ANK3: variants seen among roughly 807,000 people sequenced by gnomAD.
ANK3 encodes the protein ankyrin-3.
In ANK3, 57 loss-of-function variants were observed where a neutral mutation model predicts 370.9. The observed-to-expected ratio is 0.15, with a 90% CI of 0.12 to 0.19. The LOEUF is 0.19. ANK3 is among the 10% of genes least tolerant of loss of function. The pLI is 1.00. For missense variants in ANK3, 4,439 were observed against 5,302.1 expected (o/e 0.84, Z 5.06); for synonymous variants, 1,929 against 1,946.3 (o/e 0.99, Z 0.23).
chr10:60,167,252 G>A (rs932740367), intron 21 of ANK3, among the ~76,000 whole-genome samples: 5 of 152,130 alleles, frequency 3.3e-5, no homozygotes, highest in Non-Finnish European at 5.9e-5. Context: ...GAAAGGTCTC[G>A]GCTGAAGAGA....
chr10:60,733,275 G>T, exon 1 of ANK3: 1 of 1,238,710 alleles, frequency 8.1e-7, no homozygotes, highest in Non-Finnish European at 1.0e-6. Context: ...GGGCAGGAGC[G>T]GAGTCCTCGG....
At chr10:60,664,579 CA>C (rs2078973999) in intron 1 of ANK3, among the ~76,000 whole-genome samples, 1 of 152,084 alleles carries the variant, frequency 6.6e-6, no homozygotes, top group African/African-American at 2.4e-5. Flanking sequence ...TAGCTCAAAA[CA>C]AACCAATGCA....
rs761752696 is a variant in ANK3, at chr10:60,477,516, TACACACACACACACAC to T, written c.96+137654_96+137669del. On this transcript the variant is annotated intron_variant, in intron 2 of 43. Coordinates refer to the ANK3 transcript ENST00000373827. ...ATACCTACTGACAGACAGACAGACA[TACACACACACACACAC>T]ACACACACACACACACACACACACA... Among the ~76,000 whole-genome samples the T allele has an allele frequency of 9.0e-3, 1,102 of 122,694 alleles. 8 individuals are homozygous for T. The highest frequency in any genetic ancestry group is 0.014 in the Non-Finnish European group (797 of 57,612). The allele number at this position is 122,694 out of a possible 152,430, so 80.5% of individuals were successfully genotyped here.
intron 2 of ANK3, among the ~76,000 whole-genome samples, chr10:60,595,116 T>TA (rs1284936338): frequency 6.6e-6 from 1 of 152,116 alleles, no homozygotes; most frequent in Admixed American, 6.6e-5. Context: ...CTATTTTTTT[T>TA]AAAAATTGAT....
At chr10:60,585,884 C>T (rs530623777) in intron 2 of ANK3, among the ~76,000 whole-genome samples, 28 of 152,066 alleles carry the variant, frequency 1.8e-4, no homozygotes, top group African/African-American at 4.8e-4. Context: ...ATTAGCTCGA[C>T]GTGGTGGCGG....
chr10:60,435,098 T>C (rs1247681567), intron 2 of ANK3, among the ~76,000 whole-genome samples: 1 of 152,242 alleles, frequency 6.6e-6, no homozygotes, highest in Non-Finnish European at 1.5e-5. Flanking sequence ...ACTTTAACAG[T>C]GATCATTGGA....
At chr10:60,460,155 C>T (rs1010673631) in intron 2 of ANK3, among the ~76,000 whole-genome samples, 1 of 152,160 alleles carries the variant, frequency 6.6e-6, no homozygotes, top group Non-Finnish European at 1.5e-5. Flanking sequence ...GATCCCTTCA[C>T]AAAAACTGTG....
At chr10:60,696,626 A>G (rs902961523) in intron 1 of ANK3, among the ~76,000 whole-genome samples, 2 of 148,592 alleles carry the variant, frequency 1.3e-5, no homozygotes, top group Admixed American at 1.3e-4. Flanking sequence ...GTAATCCAGC[A>G]TATAAACAGA....
intron 1 of ANK3, among the ~76,000 whole-genome samples, chr10:60,716,652 T>C (rs1484203995): frequency 6.6e-6 from 1 of 152,188 alleles, no homozygotes; most frequent in Non-Finnish European, 1.5e-5. Context: ...TAGCTAGAAC[T>C]ACAGATGCAT....
chr10:60,729,495 C>T (rs553654110), intron 1 of ANK3, among the ~76,000 whole-genome samples: 1 of 152,200 alleles, frequency 6.6e-6, no homozygotes, highest in Non-Finnish European at 1.5e-5. Context: ...AAATTAACTT[C>T]AGTTCTGGCA....
chr10:60,354,471 T>C (rs2057419383), intron 1 of ANK3, among the ~76,000 whole-genome samples: 1 of 152,264 alleles, frequency 6.6e-6, no homozygotes, highest in South Asian at 2.1e-4. Flanking sequence ...AAAAGACAGA[T>C]ACTATCTTCA....
intron 7 of ANK3, among the ~76,000 whole-genome samples, chr10:60,250,580 T>C (rs1018916560): frequency 1.3e-5 from 2 of 152,156 alleles, no homozygotes; most frequent in East Asian, 1.9e-4. Context: ...TTAGCCAGGA[T>C]GGTCTCGATC....
intron 2 of ANK3, among the ~76,000 whole-genome samples, chr10:60,607,019 G>A (rs1347267817): frequency 6.6e-6 from 1 of 152,134 alleles, no homozygotes; most frequent in Non-Finnish European, 1.5e-5. Flanking sequence ...AAATGAGAGG[G>A]CTTAAACCTT....
At chr10:60,509,846 A>G (rs182813433) in intron 2 of ANK3, among the ~76,000 whole-genome samples, 32 of 152,248 alleles carry the variant, frequency 2.1e-4, no homozygotes, top group African/African-American at 7.5e-4. Flanking sequence ...AAGTTTCTTT[A>G]AGGATTGTTC....
intron 1 of ANK3, among the ~76,000 whole-genome samples, chr10:60,376,243 T>C (rs2132810171): frequency 6.6e-6 from 1 of 152,326 alleles, no homozygotes; most frequent in South Asian, 2.1e-4. Flanking sequence ...ACAGGCTGGA[T>C]AAAGCTCTCT....
At chr10:60,465,785 C>CT (rs1409653171) in intron 2 of ANK3, among the ~76,000 whole-genome samples, 2 of 119,382 alleles carry the variant, frequency 1.7e-5, no homozygotes, top group South Asian at 2.7e-4. Flanking sequence ...TCTTTTTTTT[C>CT]TTTCTTTTTT....
chr10:60,098,693 A>T (rs992439887), intron 28 of ANK3, among the ~76,000 whole-genome samples: 24 of 152,234 alleles, frequency 1.6e-4, no homozygotes, highest in African/African-American at 5.5e-4. Flanking sequence ...AAATAATTAT[A>T]AATTCATGGG....
At chr10:60,280,209 T>G (rs941753583) in intron 1 of ANK3, among the ~76,000 whole-genome samples, 4 of 152,128 alleles carry the variant, frequency 2.6e-5, no homozygotes, top group African/African-American at 9.7e-5. Flanking sequence ...ACTATGGACA[T>G]GCGCCGCCAT....
intron 16 of ANK3, among the ~76,000 whole-genome samples, chr10:60,190,646 T>C (rs953115697): frequency 6.6e-6 from 1 of 152,156 alleles, no homozygotes; most frequent in Non-Finnish European, 1.5e-5. Context: ...GGCAACCCAG[T>C]CAACAGTCTT....
Sources: gnomAD v4.1 joint callset for allele counts (sites outside exome capture counted in the v4.1 genomes callset) on GRCh38, gnomAD v4.1.1 for gene constraint, MANE v1.5 for transcripts, NCBI Gene and HGNC (gene_info 2026-07-23, HGNC 2026-07-21) for gene names.